The following SKAP1 variants were observed in gnomAD, a reference collection of about 807,000 sequenced individuals.
SKAP1 encodes src kinase associated phosphoprotein 1.
SKAP1 carries 44 observed loss-of-function variants against 58.5 expected under a neutral mutation model. The observed-to-expected ratio is 0.75, with a 90% confidence interval of 0.59 to 0.97. The LOEUF is 0.97. SKAP1 is among the 50% of genes least tolerant of loss of function. SKAP1 has a pLI of 0.00. For missense variants in SKAP1, 390 were observed against 435.2 expected, an observed-to-expected ratio of 0.90 and a Z score of 0.92; for synonymous variants, 127 against 149.7, an observed-to-expected ratio of 0.85 and a Z score of 1.11.
intron 11 of SKAP1, among the ~76,000 whole-genome samples, chr17:48,147,091 A>G (rs1051172609): frequency 1.2e-4 from 19 of 152,322 alleles, no homozygotes; most frequent in African/African-American, 4.6e-4. Flanking sequence ...GTCTCCGTGG[A>G]ACAAGATTCC....
In SKAP1 at chr17:48,199,421, C is replaced by A. The variant is rs555477927; in HGVS notation, c.281-9921G>T. 8.5e-5 allele frequency among the ~76,000 whole-genome samples: 13 copies of A among 152,320 alleles called. No homozygotes were observed. In the East Asian group the frequency reaches 2.5e-3, roughly 29 times the overall value. On this transcript the variant is annotated intron_variant, in intron 4 of 12. Transcript: ENST00000336915. ...TGTGGAACATGCCATGCACTTTACA[C>A]TGCCAGGTCTCTGTGTATTCTGTTT...
chr17:48,337,558 A>G (rs904100413), intron 4 of SKAP1, among the ~76,000 whole-genome samples: 20 of 152,206 alleles, frequency 1.3e-4, no homozygotes, highest in African/African-American at 4.8e-4. Flanking sequence ...TTAGTAGTGT[A>G]TTAAAATCTA....
chr17:48,154,164 T>C (rs1403196567), intron 11 of SKAP1, among the ~76,000 whole-genome samples: 1 of 152,186 alleles, frequency 6.6e-6, no homozygotes. Flanking sequence ...TGACATAGTG[T>C]TGTGTTAACA....
At chr17:48,185,415 A>T (rs1198916596) in intron 6 of SKAP1, among the ~76,000 whole-genome samples, 1 of 152,190 alleles carries the variant, frequency 6.6e-6, no homozygotes. Context: ...TCAACCTGGG[A>T]AGTAGCAGAA....
At chr17:48,359,075 T>C (rs928694922) in intron 3 of SKAP1, among the ~76,000 whole-genome samples, 7 of 152,194 alleles carry the variant, frequency 4.6e-5, no homozygotes, top group Non-Finnish European at 7.4e-5. Context: ...GATCTCATGA[T>C]AGAGATAAAA....
intron 4 of SKAP1, among the ~76,000 whole-genome samples, chr17:48,321,852 A>G (rs2066372374): frequency 6.6e-6 from 1 of 152,108 alleles, no homozygotes; most frequent in Non-Finnish European, 1.5e-5. Context: ...TCAATCTGTG[A>G]TTTTTTAAAA....
intron 9 of SKAP1, among the ~76,000 whole-genome samples, chr17:48,174,605 T>A (rs1252518868): frequency 6.6e-6 from 1 of 152,246 alleles, no homozygotes; most frequent in Non-Finnish European, 1.5e-5. Flanking sequence ...GTTCTCATTT[T>A]TATTAATCTT....
intron 10 of SKAP1, among the ~76,000 whole-genome samples, chr17:48,164,130 G>A (rs865943030): frequency 5.9e-5 from 9 of 152,042 alleles, no homozygotes; most frequent in African/African-American, 2.2e-4. Flanking sequence ...ATTCATTTTT[G>A]GAAATATTAA....
chr17:48,230,604 A>G (rs1025925712), intron 4 of SKAP1, among the ~76,000 whole-genome samples: 1 of 151,994 alleles, frequency 6.6e-6, no homozygotes, highest in Non-Finnish European at 1.5e-5. Flanking sequence ...AAAATACAAA[A>G]AATTAGCCAG....
At chr17:48,248,333 G>C (rs191614790) in intron 4 of SKAP1, among the ~76,000 whole-genome samples, 80 of 152,268 alleles carry the variant, frequency 5.3e-4, no homozygotes, top group African/African-American at 1.9e-3. Flanking sequence ...TTGGGAAGCC[G>C]AGGCGGTTGG....
chr17:48,143,017 A>G (rs950823509), intron 11 of SKAP1, among the ~76,000 whole-genome samples: 4 of 136,666 alleles, frequency 2.9e-5, no homozygotes, highest in African/African-American at 5.5e-5. Flanking sequence ...GGGTCTCCCT[A>G]TGTTGCCCAG....
chr17:48,193,033 T>C (rs187675001), intron 4 of SKAP1, among the ~76,000 whole-genome samples: 54 of 152,246 alleles, frequency 3.5e-4, no homozygotes, highest in Admixed American at 7.2e-4. Context: ...AGATGTGTTA[T>C]GTTGCTTTCT....
chr17:48,226,561 CTAAG>C lies in SKAP1; in HGVS notation c.281-37065_281-37062del. Among the ~76,000 whole-genome samples the C allele has an allele frequency of 2.0e-5, 3 of 152,218 alleles. No individual in the cohort carries two copies. In the Middle Eastern group the frequency reaches 0.01, roughly 518 times the overall value. On this transcript the variant is annotated intron_variant, in intron 4 of 12. Transcript: ENST00000336915. ...TTCTTGGAGGGGATATCTTAATGGA[CTAAG>C]TATGAGGTTTGAAATATCTAGACTT...
intron 2 of SKAP1, among the ~76,000 whole-genome samples, chr17:48,368,880 A>G (rs8073671): frequency 0.093 from 14,118 of 152,276 alleles, 1,006 homozygotes; most frequent in African/African-American, 0.17. Context: ...CAAATTAAAG[A>G]TGTTTTGGCC....
At chr17:48,161,348 G>A (rs2064065531) in intron 11 of SKAP1, among the ~76,000 whole-genome samples, 1 of 152,222 alleles carries the variant, frequency 6.6e-6, no homozygotes, top group Admixed American at 6.5e-5. Flanking sequence ...TAAAGAGCAA[G>A]TTGTGCCTAT....
chr17:48,283,725 T>G (rs538031864), intron 4 of SKAP1, among the ~76,000 whole-genome samples: 19 of 152,290 alleles, frequency 1.2e-4, no homozygotes, highest in African/African-American at 1.9e-4. Flanking sequence ...TCTGTTTCCC[T>G]CTGGGTGGGA....
At chr17:48,394,370 C>A (rs1321757952) in intron 2 of SKAP1, among the ~76,000 whole-genome samples, 1 of 151,708 alleles carries the variant, frequency 6.6e-6, no homozygotes, top group Non-Finnish European at 1.5e-5. Flanking sequence ...GAGACAGAGT[C>A]TCACTTGGTC....
At chr17:48,327,930 C>T (rs897761718) in intron 4 of SKAP1, among the ~76,000 whole-genome samples, 19 of 152,196 alleles carry the variant, frequency 1.2e-4, no homozygotes, top group African/African-American at 3.9e-4. Flanking sequence ...CTGTGCCCCG[C>T]CGTGCCTCTG....
At chr17:48,269,251 A>C (rs1808340772) in intron 4 of SKAP1, among the ~76,000 whole-genome samples, 1 of 152,190 alleles carries the variant, frequency 6.6e-6, no homozygotes, top group South Asian at 2.1e-4. Flanking sequence ...CTAGAGAAGA[A>C]AGGACATTTT....
Sources: gnomAD v4.1 joint callset for allele counts (sites outside exome capture counted in the v4.1 genomes callset) on GRCh38, gnomAD v4.1.1 for gene constraint, MANE v1.5 for transcripts, NCBI Gene and HGNC (gene_info 2026-07-23, HGNC 2026-07-21) for gene names.